RAD17: variants seen among roughly 807,000 people sequenced by gnomAD.
RAD17 encodes cell cycle checkpoint protein RAD17.
Under a neutral mutation model 81.5 loss-of-function variants are expected in RAD17, and 31 were observed. The ratio of observed to expected loss-of-function variants is 0.38; its 90% CI spans 0.29 to 0.51. The LOEUF is 0.51. RAD17 is among the 20% of genes least tolerant of loss of function. The probability of loss-of-function intolerance (pLI) is 0.88; values close to 1 mark genes in which losing one functional copy is unlikely to be tolerated. For synonymous variants in RAD17, 261 were observed against 266.2 expected (o/e 0.98, Z 0.19); for missense variants, 681 against 781.2 (o/e 0.87, Z 1.53).
In RAD17 at chr5:69,377,506, T is replaced by TAC. The variant is rs1203241330; in HGVS notation, c.351+2795_351+2796insAC. 8.7e-4 allele frequency among the ~76,000 whole-genome samples: 62 copies of TAC among 71,318 alleles called. 9 individuals carry two copies. Among genetic ancestry groups the TAC allele is most frequent in the African/African-American group, 2.0e-3 (39 of 19,442 alleles). 46.8% of individuals were successfully genotyped at this position (71,318 alleles called of 152,430 possible). A position where few individuals can be genotyped will look rare whatever the true frequency, so the allele number is the denominator to read the frequency against. Reference sequence around the variant, plus strand: ...ACACACATATATATACGTATATATATGTATATATACGTATATATATGTGTA... The same window carrying TAC: ...ACACACATATATATACGTATATATATACGTATATATACGTATATATATGTGTA... On this transcript the variant is annotated intron_variant, in intron 6 of 18. Coordinates refer to ENST00000354868, the MANE Select transcript of RAD17 (RefSeq NM_133338.3).
intron 17 of RAD17, among the ~76,000 whole-genome samples, chr5:69,405,669 AAAAC>A (rs777614371): frequency 4.0e-5 from 6 of 150,966 alleles, no homozygotes; most frequent in Non-Finnish European, 8.8e-5. Flanking sequence ...TCTGTCTCAA[AAAAC>A]AAACAAAAAA....
At chr5:69,395,357 TA>T (rs1215109521) in intron 15 of RAD17, among the ~76,000 whole-genome samples, 2 of 152,022 alleles carry the variant, frequency 1.3e-5, no homozygotes, top group African/African-American at 2.4e-5. Flanking sequence ...GAAGAGATTT[TA>T]AAAATTAGCT....
intron 16 of RAD17, 24 bp downstream of exon 16, chr5:69,396,570 G>C (rs981569956): frequency 1.7e-6 from 2 of 1,174,284 alleles, no homozygotes; most frequent in African/African-American, 1.5e-5. Flanking sequence ...AAAAAATTCT[G>C]TACTTTCAAT....
chr5:69,399,000 C>T (rs1313513869), intron 16 of RAD17, among the ~76,000 whole-genome samples: 1 of 151,372 alleles, frequency 6.6e-6, no homozygotes, highest in Non-Finnish European at 1.5e-5. Flanking sequence ...TGGTGAAACC[C>T]CATCTGTATA....
intron 18 of RAD17, among the ~76,000 whole-genome samples, chr5:69,411,788 A>G (rs953323597): frequency 1.3e-5 from 2 of 151,778 alleles, no homozygotes; most frequent in Non-Finnish European, 2.9e-5. Context: ...TCTCTCCCCA[A>G]CCCCCTAAGA....
At chr5:69,388,023 A>C (rs1764320849) in intron 11 of RAD17, among the ~76,000 whole-genome samples, 1 of 151,788 alleles carries the variant, frequency 6.6e-6, no homozygotes, top group Non-Finnish European at 1.5e-5. Flanking sequence ...CCCTGTCTCT[A>C]AAAAAACATC....
At chr5:69,371,192 G>GTTT in intron 2 of RAD17, 21 bp downstream of exon 2, 1 of 498,290 alleles carries the variant, frequency 2.0e-6, no homozygotes, top group African/African-American at 2.0e-5. Context: ...AGTATGTGTG[G>GTTT]TTTTTTTGTT....
chr5:69,397,173 G>A (rs762706320), intron 16 of RAD17, among the ~76,000 whole-genome samples: 3 of 150,376 alleles, frequency 2.0e-5, no homozygotes, highest in South Asian at 2.1e-4. Context: ...AGACAGAGTC[G>A]TTCTCTTGCC....
rs371869777 is a variant in RAD17, at chr5:69,386,244, A to G, written c.763A>G (p.Asn255Asp). Residue 255 changes from asparagine to aspartate, a missense_variant, in exon 10 of 19, where the codon AAT becomes GAT. Coordinates refer to ENST00000354868, the MANE Select transcript of RAD17 (RefSeq NM_133338.3). ...AATCTCGGACAGTCTCAGTGGAGAT[A>G]ATAATCAAAGGTTATTGTTTCCCAA... ...FIISDSLSGD[N>D]NQRLLFPKEI... The G allele has an allele frequency of 5.0e-6, 8 of 1,608,262 alleles. No homozygotes were observed. The highest frequency in any genetic ancestry group is 6.8e-6 in the Non-Finnish European group (8 of 1,176,538).
Position 69,377,482 on chromosome 5 carries a change from C to T in RAD17, c.351+2771C>T, listed in dbSNP as rs1196248218. Among the ~76,000 whole-genome samples, 148 of 66,140 alleles carry T rather than the reference C, an allele frequency of 2.2e-3. 33 individuals carry two copies. The highest frequency in any genetic ancestry group is 5.1e-3 in the African/African-American group (97 of 19,022). 43.4% of individuals were successfully genotyped at this position (66,140 alleles called of 152,430 possible). ...ATATATATATATATATATACACACA[C>T]ACACATATATATACGTATATATATG... On this transcript the variant is annotated intron_variant, in intron 6 of 18. Transcript: ENST00000354868.
chr5:69,393,367 T>A lies in RAD17; in HGVS notation c.1289T>A (p.Met430Lys), dbSNP rs780296002. ...TTCTTTTTATAGGAGGTAGTAGAAA[T>A]GTCACACATGCCTGGAGACTTATTT... ...LLVEPEEVVEMSHMPGDLFNL... is the reference protein window; with the variant it reads ...LLVEPEEVVEKSHMPGDLFNL... The change falls in exon 15 of 19, where the codon ATG becomes AAG. Residue 430 changes from methionine to lysine, a missense_variant. Transcript: ENST00000354868. 6 of 1,592,024 alleles carry A rather than the reference T, an allele frequency of 3.8e-6. No homozygotes were observed. Among genetic ancestry groups the A allele is most frequent in the Non-Finnish European group, 4.3e-6 (5 of 1,169,608 alleles).
chr5:69,408,352 GC>G (rs1765760859), intron 17 of RAD17, among the ~76,000 whole-genome samples: 1 of 152,050 alleles, frequency 6.6e-6, no homozygotes. Flanking sequence ...GCAACATGAA[GC>G]CTTCCTCCCT....
At position 69,371,541 on chromosome 5, in the gene RAD17, A is replaced by G. The variant is rs774762678; in HGVS notation, c.-192A>G. On this transcript the variant is annotated 5_prime_UTR_variant, in exon 3 of 19. Transcript: ENST00000354868. ...ATGTCAAAAACTTTTCTTAGACCAA[A>G]GGTATCTTCCACAAAGGTATGATAC... The G allele has an allele frequency of 6.8e-6, 10 of 1,460,098 alleles. No homozygotes were observed. The Admixed American group carries it at 2.0e-4, about 30-fold the overall frequency. 90.4% of individuals were successfully genotyped at this position (1,460,098 alleles called of 1,614,324 possible).
In RAD17 at chr5:69,410,558, G is replaced by A. The variant is rs1418821603; in HGVS notation, c.1751+8G>A. 6.2e-7 allele frequency: 1 copy of A among 1,611,680 alleles called. No individual in the cohort carries two copies. Among genetic ancestry groups the A allele is most frequent in the African/African-American group, 1.3e-5 (1 of 74,964 alleles). On this transcript the variant is annotated splice_region_variant and intron_variant, in intron 18 of 18. Coordinates refer to ENST00000354868, the MANE Select transcript of RAD17 (RefSeq NM_133338.3). ...GAAGCGACACTTTGGAAGGTAAGCT[G>A]ATCATCTCAATTTCCAAAAAGCTGA...
In RAD17 at chr5:69,414,575, C is replaced by A; in HGVS notation, c.*283C>A. The A allele has an allele frequency of 2.3e-6, 1 of 444,302 alleles. No individual in the cohort carries two copies. The highest frequency in any genetic ancestry group is 4.0e-6 in the Non-Finnish European group (1 of 250,452). The allele number at this position is 444,302 out of a possible 1,614,324, so 27.5% of individuals were successfully genotyped here. A position where few individuals can be genotyped will look rare whatever the true frequency, so the allele number is the denominator to read the frequency against. ...TGTGTTTGAACATTATGCCAAATAT[C>A]AAGATGTGAAGGACTAATTCAGGAT... On this transcript the variant is annotated 3_prime_UTR_variant, in exon 19 of 19. Coordinates refer to ENST00000354868, the MANE Select transcript of RAD17 (RefSeq NM_133338.3).
chr5:69,406,021 G>A (rs1181881829), intron 17 of RAD17, among the ~76,000 whole-genome samples: 1 of 141,116 alleles, frequency 7.1e-6, no homozygotes, highest in East Asian at 2.1e-4. Context: ...CAGCCTAGGT[G>A]ACAGAGCCAG....
At chr5:69,400,011 A>G in intron 16 of RAD17, 38 bp from the exon 17 acceptor site, 2 of 1,404,392 alleles carry the variant, frequency 1.4e-6, no homozygotes, top group Non-Finnish European at 9.7e-7. Flanking sequence ...TTTTAATTTC[A>G]TTTTTCCTTT....
chr5:69,377,753 A>C, intron 6 of RAD17, among the ~76,000 whole-genome samples: 1 of 146,314 alleles, frequency 6.8e-6, no homozygotes, highest in Non-Finnish European at 1.5e-5. Context: ...TTTTCCCCCT[A>C]AGGAGTTGGA....
chr5:69,403,478 C>T (rs769352079), intron 17 of RAD17, among the ~76,000 whole-genome samples: 2 of 152,120 alleles, frequency 1.3e-5, no homozygotes, highest in Non-Finnish European at 2.9e-5. Flanking sequence ...ACTGCATAAA[C>T]GTTATTTTTG....
Sources: gnomAD v4.1 joint callset for allele counts (sites outside exome capture counted in the v4.1 genomes callset) on GRCh38, gnomAD v4.1.1 for gene constraint, MANE v1.5 for transcripts, NCBI Gene and HGNC (gene_info 2026-07-23, HGNC 2026-07-21) for gene names.